HAUS2: variants seen among roughly 807,000 people sequenced by gnomAD.
HAUS2 encodes HAUS augmin-like complex subunit 2.
Under a neutral mutation model 21.6 loss-of-function variants are expected in HAUS2, and 20 were observed. That is an observed-to-expected ratio of 0.93 (90% CI 0.65 to 1.35). HAUS2 has a LOEUF of 1.35. Among genes scored for constraint, HAUS2 ranks in the 40% most tolerant of loss-of-function variants. The pLI is 0.00. For synonymous variants in HAUS2, 113 were observed against 95.6 expected (o/e 1.18, Z -1.06); for missense variants, 297 against 280.7 (o/e 1.06, Z -0.42).
intron 5 of HAUS2, among the ~76,000 whole-genome samples, chr15:42,565,153 A>G (rs969839841): frequency 6.6e-6 from 1 of 152,166 alleles, no homozygotes; most frequent in Non-Finnish European, 1.5e-5. Flanking sequence ...GCTGAATCTT[A>G]AGGAATAAGT....
At chr15:42,555,048 G>C (rs149012439) in intron 1 of HAUS2, among the ~76,000 whole-genome samples, 1,515 of 150,404 alleles carry the variant, frequency 0.01, 33 homozygotes, top group African/African-American at 0.036. Flanking sequence ...GGAGTGCAAT[G>C]GCGTGATCTC....
At chr15:42,557,838 A>G (rs2057803598) in intron 1 of HAUS2, among the ~76,000 whole-genome samples, 1 of 152,098 alleles carries the variant, frequency 6.6e-6, no homozygotes, top group African/African-American at 2.4e-5. Flanking sequence ...AAGCTCTGAG[A>G]GACTGGGCCT....
intron 5 of HAUS2, among the ~76,000 whole-genome samples, chr15:42,565,337 C>T (rs571282364): frequency 4.7e-4 from 71 of 150,416 alleles, no homozygotes; most frequent in African/African-American, 1.7e-3. Context: ...GCCTTAAAAA[C>T]CAGACTAATA....
chr15:42,564,031 C>T (rs1268980014), intron 5 of HAUS2, among the ~76,000 whole-genome samples, 174 bp downstream of exon 5: 1 of 151,960 alleles, frequency 6.6e-6, no homozygotes, highest in African/African-American at 2.4e-5. Context: ...TTTGGGAGGC[C>T]ACAACGGGTG....
rs1282823052 is a variant in HAUS2 at position 42,568,675 on chromosome 15, A to G, written c.*1859A>G. On this transcript the variant is annotated 3_prime_UTR_variant, in exon 6 of 6. Coordinates refer to ENST00000260372, the MANE Select transcript of HAUS2 (RefSeq NM_018097.3). Reference sequence around the variant, plus strand: ...AGAATTTTGGTACATGGTAGGTAGAAGGTACCTACGTGACCAGCCCCCAGT... The same window carrying G: ...AGAATTTTGGTACATGGTAGGTAGAGGGTACCTACGTGACCAGCCCCCAGT... 2 of 152,214 alleles carry G rather than the reference A, an allele frequency of 1.3e-5. No individual in the cohort carries two copies. The highest frequency in any genetic ancestry group is 1.3e-4 in the Admixed American group (2 of 15,284). The allele number at this position is 152,214 out of a possible 1,614,324, so 9.4% of individuals were successfully genotyped here.
At chr15:42,561,749 A>T (rs548659019) in intron 4 of HAUS2, 3 of 197,384 alleles carry the variant, frequency 1.5e-5, no homozygotes, top group Non-Finnish European at 3.1e-5. Flanking sequence ...TAAAAATTCT[A>T]TTGGCGGGGT....
chr15:42,563,683 G>A, intron 4 of HAUS2, 66 bp from the exon 5 acceptor site: 1 of 816,136 alleles, frequency 1.2e-6, no homozygotes, highest in Non-Finnish European at 2.1e-6. Context: ...CTGATTAAAG[G>A]AGAAGAAAAG....
chr15:42,563,614 C>T, intron 4 of HAUS2, 135 bp from the exon 5 acceptor site: 1 of 625,852 alleles, frequency 1.6e-6, no homozygotes. Context: ...TCTATGAATG[C>T]AGGAAGGTTG....
At chr15:42,550,284 GAAAAA>G in intron 1 of HAUS2, among the ~76,000 whole-genome samples, 1 of 98,380 alleles carries the variant, frequency 1.0e-5, no homozygotes, top group Admixed American at 1.2e-4. Flanking sequence ...CTGTCTCAGG[GAAAAA>G]AAAAAAAAAA....
In HAUS2 at chr15:42,563,522, CTGT is replaced by C. The variant is rs1403934673; in HGVS notation, c.390-223_390-221del. On this transcript the variant is annotated intron_variant, in intron 4 of 5. Transcript: ENST00000260372. ...TTAAGTTGGATTCCAGATAGGATTA[CTGT>C]TGTCTCTTTCCATTTTTTTATTTGG... 4.0e-5 allele frequency among the ~76,000 whole-genome samples: 6 copies of C among 151,394 alleles called. No individual in the cohort carries two copies. In the South Asian group the frequency reaches 6.2e-4, roughly 16 times the overall value.
At chr15:42,561,463 G>T in intron 4 of HAUS2, 61 bp downstream of exon 4, 1 of 1,094,020 alleles carries the variant, frequency 9.1e-7, no homozygotes, top group Non-Finnish European at 1.4e-6. Flanking sequence ...TTTTTGTTTT[G>T]CAGTTACTTT....
At position 42,561,361 on chromosome 15, in the gene HAUS2, C is replaced by G. The variant is rs749748089; in HGVS notation, c.348C>G (p.Pro116=). The part of the protein sequence containing the change: ...KRSLRQRLLK[P]MCQENLPIEA... ...CCCTTAGGCAAAGACTGTTGAAACC[C>G]ATGTGCCAGGAAAACTTACCTATTG... The change falls in exon 4 of 6, where the codon CCC becomes CCG. Residue 116 remains proline (P), a synonymous_variant. Coordinates refer to ENST00000260372, the MANE Select transcript of HAUS2 (RefSeq NM_018097.3). 1 of 1,600,352 alleles carries G rather than the reference C, an allele frequency of 6.2e-7. No individual in the cohort carries two copies. The highest frequency in any genetic ancestry group is 1.1e-5 in the South Asian group (1 of 90,822).
chr15:42,549,862 GA>G (rs2057704035), intron 1 of HAUS2, among the ~76,000 whole-genome samples: 3 of 150,514 alleles, frequency 2.0e-5, no homozygotes, highest in Admixed American at 6.7e-5. Context: ...AGAGAAAAGA[GA>G]CATTAACCCA....
chr15:42,565,764 T>C (rs1468917605), intron 5 of HAUS2, among the ~76,000 whole-genome samples: 1 of 152,134 alleles, frequency 6.6e-6, no homozygotes, highest in Non-Finnish European at 1.5e-5. Flanking sequence ...ATTTAAAGCA[T>C]AGGAATACAG....
chr15:42,549,507 C>T (rs1345902945), intron 1 of HAUS2, among the ~76,000 whole-genome samples: 1 of 151,654 alleles, frequency 6.6e-6, no homozygotes, highest in African/African-American at 2.4e-5. Context: ...AGTGCAGTGG[C>T]GTGGTCTCGG....
At chr15:42,560,402 G>C (rs541578280) in intron 3 of HAUS2, among the ~76,000 whole-genome samples, 1 of 151,906 alleles carries the variant, frequency 6.6e-6, no homozygotes, top group Admixed American at 6.5e-5. Context: ...GAGAGAGAGA[G>C]AGAGAGAGAA....
intron 1 of HAUS2, among the ~76,000 whole-genome samples, chr15:42,550,366 T>C (rs1309292390): frequency 6.6e-6 from 1 of 151,762 alleles, no homozygotes; most frequent in Non-Finnish European, 1.5e-5. Context: ...GAAGAGCCAT[T>C]AGAGACTCTA....
At chr15:42,566,515 G>T (rs1190201576) in intron 5 of HAUS2, 92 bp from the exon 6 acceptor site, 1 of 739,806 alleles carries the variant, frequency 1.4e-6, no homozygotes, top group Non-Finnish European at 2.3e-6. Flanking sequence ...GCTGGAAAAA[G>T]ATCATGTGTT....
intron 1 of HAUS2, among the ~76,000 whole-genome samples, chr15:42,555,856 T>C (rs1222243222): frequency 6.6e-6 from 1 of 152,200 alleles, no homozygotes; most frequent in Non-Finnish European, 1.5e-5. Flanking sequence ...GGTGGTTGTA[T>C]AAAAGCAGCC....
Sources: allele counts gnomAD v4.1 joint callset (sites outside exome capture counted in the v4.1 genomes callset), GRCh38; gene constraint gnomAD v4.1.1; transcripts MANE v1.5; gene names NCBI Gene and HGNC (gene_info 2026-07-23, HGNC 2026-07-21).